Variants in ABTB3 observed in about 807,000 individuals in gnomAD.
ABTB3 encodes the protein ankyrin repeat- and BTB/POZ domain-containing protein 3.
the ABTB3 span, among the ~76,000 whole-genome samples, chr12:107,518,809 T>C: frequency 6.7e-6 from 1 of 149,488 alleles, no homozygotes; most frequent in South Asian, 2.1e-4. Flanking sequence ...AGGTGTTCAA[T>C]AAGTGCTTCC....
the ABTB3 span, among the ~76,000 whole-genome samples, chr12:107,456,840 A>T: frequency 1.1e-4 from 16 of 150,890 alleles, no homozygotes; most frequent in Admixed American, 1.1e-3. Context: ...GCATGTGGCC[A>T]CTTCAGTAGT....
the ABTB3 span, chr12:107,651,780 A>G: frequency 6.2e-7 from 1 of 1,612,874 alleles, no homozygotes; most frequent in Non-Finnish European, 8.5e-7. Context: ...ATTTACAACC[A>G]TGCCAAGGTA....
chr12:107,387,518 G>T, the ABTB3 span, among the ~76,000 whole-genome samples: 7 of 152,184 alleles, frequency 4.6e-5, no homozygotes, highest in African/African-American at 1.7e-4. Flanking sequence ...ACTGTTCAGT[G>T]GGGAAGACAG....
the ABTB3 span, among the ~76,000 whole-genome samples, chr12:107,432,607 TA>T: frequency 2.0e-5 from 3 of 152,294 alleles, no homozygotes; most frequent in East Asian, 5.8e-4. Flanking sequence ...AGGTGTCTAA[TA>T]AGAGATGTTG....
chr12:107,411,909 G>GA, the ABTB3 span, among the ~76,000 whole-genome samples: 1 of 152,148 alleles, frequency 6.6e-6, no homozygotes, highest in East Asian at 1.9e-4. Flanking sequence ...CGGTGGTTCT[G>GA]GGGACTGAGA....
chr12:107,372,984 G>A, the ABTB3 span, among the ~76,000 whole-genome samples: 74 of 152,270 alleles, frequency 4.9e-4, no homozygotes, highest in African/African-American at 1.6e-3. Context: ...GTGAGGGGCT[G>A]TCCTGTGCAT....
At chr12:107,455,717 G>A in the ABTB3 span, among the ~76,000 whole-genome samples, 33 of 152,274 alleles carry the variant, frequency 2.2e-4, no homozygotes, top group African/African-American at 7.0e-4. Flanking sequence ...GCTGTAGGAC[G>A]GGGAGTCAGC....
the ABTB3 span, among the ~76,000 whole-genome samples, chr12:107,341,501 G>T: frequency 6.6e-6 from 1 of 152,210 alleles, no homozygotes; most frequent in Non-Finnish European, 1.5e-5. Context: ...TTAAGTGAGG[G>T]AGGGAGTTGA....
chr12:107,635,850 A>ACCCCCCCCCCCCCCCCC, the ABTB3 span, among the ~76,000 whole-genome samples: 3 of 56,616 alleles, frequency 5.3e-5, no homozygotes, highest in Admixed American at 2.4e-4. Context: ...GGGAGGAACA[A>ACCCCCCCCCCCCCCCCC]CCCCCCCCCC....
chr12:107,399,860 C>G, the ABTB3 span, among the ~76,000 whole-genome samples: 2 of 152,068 alleles, frequency 1.3e-5, no homozygotes, highest in Non-Finnish European at 2.9e-5. Context: ...CCGACAGGCC[C>G]CAGTGTCTGA....
the ABTB3 span, among the ~76,000 whole-genome samples, chr12:107,346,023 G>A: frequency 6.6e-6 from 1 of 152,202 alleles, no homozygotes; most frequent in Non-Finnish European, 1.5e-5. Flanking sequence ...AAGGTCCATG[G>A]ATTTGTCCAA....
the ABTB3 span, among the ~76,000 whole-genome samples, chr12:107,600,870 TGGGATCAGA>T: frequency 6.6e-6 from 1 of 152,160 alleles, no homozygotes; most frequent in Admixed American, 6.5e-5. Context: ...CAGGGAGGGC[TGGGATCAGA>T]GGGACCAGGC....
At chr12:107,464,432 T>C in the ABTB3 span, among the ~76,000 whole-genome samples, 4 of 152,136 alleles carry the variant, frequency 2.6e-5, no homozygotes, top group Non-Finnish European at 5.9e-5. Flanking sequence ...TGCCTCAACC[T>C]CCCAACTAAC....
chr12:107,617,706 A>G, the ABTB3 span: 1 of 461,882 alleles, frequency 2.2e-6, no homozygotes, highest in Middle Eastern at 5.7e-4. Context: ...GGTTTTGCTC[A>G]GGGCACGTCA....
At chr12:107,388,951 C>T in the ABTB3 span, among the ~76,000 whole-genome samples, 72 of 152,072 alleles carry the variant, frequency 4.7e-4, no homozygotes, top group African/African-American at 1.6e-3. Context: ...ATTTTGTGTT[C>T]TCTGTTCCTC....
chr12:107,322,431 T>A, the ABTB3 span, among the ~76,000 whole-genome samples: 75 of 152,336 alleles, frequency 4.9e-4, 2 homozygotes, highest in Middle Eastern at 6.8e-3. Context: ...ATTAATTCCT[T>A]AGGTATTGGA....
chr12:107,622,021 G>A, the ABTB3 span, among the ~76,000 whole-genome samples: 1 of 152,156 alleles, frequency 6.6e-6, no homozygotes, highest in Non-Finnish European at 1.5e-5. Flanking sequence ...TGGGAGGATT[G>A]CTTGAGCCCA....
the ABTB3 span, among the ~76,000 whole-genome samples, chr12:107,444,551 C>T: frequency 6.6e-6 from 1 of 152,046 alleles, no homozygotes; most frequent in Non-Finnish European, 1.5e-5. Context: ...GTTATTAGTC[C>T]TGTTTTATGT....
chr12:107,457,272 G>A, the ABTB3 span, among the ~76,000 whole-genome samples: 1 of 152,158 alleles, frequency 6.6e-6, no homozygotes, highest in African/African-American at 2.4e-5. Flanking sequence ...TGATGGTAAT[G>A]GTTGTTTTTA....
Sources: gnomAD v4.1 joint callset for allele counts (sites outside exome capture counted in the v4.1 genomes callset) on GRCh38, gnomAD v4.1.1 for gene constraint, MANE v1.5 for transcripts, NCBI Gene and HGNC (gene_info 2026-07-23, HGNC 2026-07-21) for gene names.